The following ARID3A variants were observed in gnomAD, a reference collection of about 807,000 sequenced individuals.
The protein encoded by ARID3A is AT-rich interaction domain 3A.
A neutral mutation model predicts 52.7 loss-of-function variants in ARID3A; 11 were observed. That is an observed-to-expected ratio of 0.21 (90% CI 0.13 to 0.35). ARID3A has a LOEUF of 0.35. Among genes scored for constraint, ARID3A ranks in the 10% least tolerant of loss-of-function variants. ARID3A has a pLI of 1.00. For synonymous variants in ARID3A, 404 were observed against 359.4 expected (o/e 1.12, Z -1.40); for missense variants, 721 against 838.5 (o/e 0.86, Z 1.73).
At chr19:963,987 C>T (rs555755950) in intron 4 of ARID3A, among the ~76,000 whole-genome samples, 4 of 152,324 alleles carry the variant, frequency 2.6e-5, no homozygotes, top group South Asian at 2.1e-4. Flanking sequence ...ACCCTCCTCC[C>T]GAGGGCTGCG....
At chr19:936,196 A>G (rs1219862612) in intron 3 of ARID3A, among the ~76,000 whole-genome samples, 1 of 152,240 alleles carries the variant, frequency 6.6e-6, no homozygotes, top group Admixed American at 6.5e-5. Context: ...TGAATTTGAG[A>G]TGAATCTTAA....
chr19:964,469 C>A lies in ARID3A; in HGVS notation c.950+38C>A. On this transcript the variant is annotated intron_variant, in intron 5 of 8. Coordinates refer to ENST00000263620, the MANE Select transcript of ARID3A (RefSeq NM_005224.3). This position sits in a 1 kb window ranked among gnomAD's most constrained non-coding sequence, Gnocchi z 5.7. Reference sequence around the variant, plus strand: ...CGGTTGTGCCGAGGTCGGGCCAGGGCACTCTGAGCAGCCAGTGCAAGGGGC... The same window carrying A: ...CGGTTGTGCCGAGGTCGGGCCAGGGAACTCTGAGCAGCCAGTGCAAGGGGC... 6.5e-7 allele frequency: 1 copy of A among 1,534,708 alleles called. No individual in the cohort carries two copies. The highest frequency in any genetic ancestry group is 1.2e-5 in the South Asian group (1 of 82,064).
intron 6 of ARID3A, 96 bp from the exon 7 acceptor site, chr19:966,470 AAAAAAG>A (rs1231907389): frequency 1.7e-4 from 188 of 1,095,338 alleles, no homozygotes; most frequent in Non-Finnish European, 2.1e-4. Context: ...AAAAAAAAAA[AAAAAAG>A]AAAAGAAAAG....
Position 966,586 on chromosome 19 carries a change from ATCCCCATCACAG to A in ARID3A, c.1218_1229del (p.Ile407_Pro410del), listed in dbSNP as rs1278541510. 6.4e-7 allele frequency: 1 copy of A among 1,558,464 alleles called. No individual in the cohort carries two copies. Among genetic ancestry groups the A allele is most frequent in the African/African-American group, 1.4e-5 (1 of 73,154 alleles). ...TTCCTACCTAGAGGAGGACTCAGCC[ATCCCCATCACAG>A]TCCCTGGCCGCCTGCCTGTGTCCCT... On this transcript the variant is annotated inframe_deletion, in exon 7 of 9. Transcript: ENST00000263620.
chr19:962,978 G>C (rs1275496526), intron 4 of ARID3A, among the ~76,000 whole-genome samples: 1 of 152,200 alleles, frequency 6.6e-6, no homozygotes, highest in African/African-American at 2.4e-5. Context: ...GATCGGGTCT[G>C]AGGCCCGTCT....
At chr19:950,430 T>C (rs931369389) in intron 3 of ARID3A, among the ~76,000 whole-genome samples, 2 of 152,116 alleles carry the variant, frequency 1.3e-5, no homozygotes, top group Non-Finnish European at 2.9e-5. Flanking sequence ...GCACCCAGCC[T>C]GAGCCCGGGA....
In ARID3A at chr19:967,933, T is replaced by C. The variant is rs542176424; in HGVS notation, c.1496-472T>C. ...GCTGGTGTGTACCCATAGTCCCAGCTACTCAGGAGGCTGAGGCAGGAGAAT... is the reference window on the plus strand; with the variant it reads ...GCTGGTGTGTACCCATAGTCCCAGCCACTCAGGAGGCTGAGGCAGGAGAAT... On this transcript the variant is annotated intron_variant, in intron 7 of 8. Coordinates refer to ENST00000263620, the MANE Select transcript of ARID3A (RefSeq NM_005224.3). Among the ~76,000 whole-genome samples, 34 of 150,782 alleles carry C rather than the reference T, an allele frequency of 2.3e-4. No homozygotes were observed. The South Asian group carries it at 6.7e-3, about 30-fold the overall frequency.
intron 2 of ARID3A, among the ~76,000 whole-genome samples, chr19:930,910 A>T (rs891041943): frequency 6.6e-6 from 1 of 152,216 alleles, no homozygotes; most frequent in East Asian, 1.9e-4. Flanking sequence ...CTGGACCTGC[A>T]TAGCGTGTGG....
At chr19:936,829 A>G (rs1203150486) in intron 3 of ARID3A, among the ~76,000 whole-genome samples, 1 of 151,944 alleles carries the variant, frequency 6.6e-6, no homozygotes, top group East Asian at 1.9e-4. Context: ...TGGCAGAGAG[A>G]GATTCTGTCT....
intron 3 of ARID3A, among the ~76,000 whole-genome samples, chr19:957,163 C>T (rs2037939187): frequency 6.6e-6 from 1 of 152,142 alleles, no homozygotes; most frequent in Admixed American, 6.5e-5. Flanking sequence ...CAGACGGAGC[C>T]TCTTTCCCCT....
intron 3 of ARID3A, among the ~76,000 whole-genome samples, chr19:936,607 C>A (rs1198356724): frequency 6.6e-6 from 1 of 152,046 alleles, no homozygotes; most frequent in Non-Finnish European, 1.5e-5. Flanking sequence ...CTTTGGGAGG[C>A]CGGGGCAGGC....
intron 1 of ARID3A, among the ~76,000 whole-genome samples, chr19:927,429 G>A (rs973051875): frequency 6.6e-6 from 1 of 151,300 alleles, no homozygotes; most frequent in African/African-American, 2.4e-5. Flanking sequence ...CCCCTCCACC[G>A]GCCCCAACGT....
At chr19:937,658 G>T (rs1425576786) in intron 3 of ARID3A, among the ~76,000 whole-genome samples, 1 of 151,040 alleles carries the variant, frequency 6.6e-6, no homozygotes, top group Non-Finnish European at 1.5e-5. Context: ...CACAGATGTG[G>T]GTTCCAGTTC....
In ARID3A at chr19:974,384, C is replaced by T. The variant is rs184219921; in HGVS notation, c.*2319C>T. 8.7e-6 allele frequency: 2 copies of T among 229,970 alleles called. No individual in the cohort carries two copies. Among genetic ancestry groups the T allele is most frequent in the African/African-American group, 2.2e-5 (1 of 45,214 alleles). The allele number at this position is 229,970 out of a possible 1,614,324, so 14.2% of individuals were successfully genotyped here. A position where few individuals can be genotyped will look rare whatever the true frequency, so the allele number is the denominator to read the frequency against. ...CCCCGGGAAGGGGGTGTCTGTTTGCCTCCAGACACAATCGGGCCCCACTCG... is the reference window on the plus strand; with the variant it reads ...CCCCGGGAAGGGGGTGTCTGTTTGCTTCCAGACACAATCGGGCCCCACTCG... On this transcript the variant is annotated 3_prime_UTR_variant, in exon 9 of 9. Transcript: ENST00000263620.
intron 3 of ARID3A, among the ~76,000 whole-genome samples, chr19:955,652 A>T (rs1335678200): frequency 6.6e-6 from 1 of 152,070 alleles, no homozygotes; most frequent in African/African-American, 2.4e-5. Flanking sequence ...TATTTGAGAG[A>T]TGGGGAAACT....
At chr19:939,144 G>C (rs2145377022) in intron 3 of ARID3A, among the ~76,000 whole-genome samples, 1 of 149,726 alleles carries the variant, frequency 6.7e-6, no homozygotes, top group Middle Eastern at 3.4e-3. Flanking sequence ...ATTTTAGACG[G>C]AGTCTTGCTC....
Position 932,637 on chromosome 19 carries a change from G to A in ARID3A, c.588G>A (p.Glu196=). 6.5e-7 allele frequency: 1 copy of A among 1,536,784 alleles called. No individual in the cohort carries two copies. Among genetic ancestry groups the A allele is most frequent in the Non-Finnish European group, 8.8e-7 (1 of 1,142,838 alleles). Reference sequence around the variant, plus strand: ...TTCCCAGGGTGCTGGGGGGCCAGGAGCGGCCGGGGCCTGGCCCTGCCCACC... The same window carrying A: ...TTCCCAGGGTGCTGGGGGGCCAGGAACGGCCGGGGCCTGGCCCTGCCCACC... ...DGVPRVLGGQ[E]RPGPGPAHPG... is the part of the protein sequence containing the mutation. Residue 196 remains glutamate (E), a synonymous_variant, in exon 3 of 9, where the codon GAG becomes GAA. Transcript: ENST00000263620.
Position 938,461 on chromosome 19 carries a change from T to A in ARID3A, c.693+5719T>A, listed in dbSNP as rs1480457597. ...GGGTGATCACATGACTTGTGCACAG[T>A]CGCCCGGGGGACGTGTCAGAGCTGG... On this transcript the variant is annotated intron_variant, in intron 3 of 8. Transcript: ENST00000263620. The surrounding 1 kb of genome is among the most constrained non-coding windows in gnomAD (Gnocchi z 4.0). Among the ~76,000 whole-genome samples the A allele has an allele frequency of 6.6e-6, 1 of 152,148 alleles. No individual in the cohort carries two copies. Among genetic ancestry groups the A allele is most frequent in the Admixed American group, 6.5e-5 (1 of 15,272 alleles).
intron 1 of ARID3A, among the ~76,000 whole-genome samples, chr19:927,785 C>T (rs1444862741): frequency 1.3e-5 from 2 of 152,092 alleles, no homozygotes; most frequent in African/African-American, 2.4e-5. Flanking sequence ...CACAACCCAG[C>T]GCTATGGCCC....
Sources: allele counts gnomAD v4.1 joint callset (sites outside exome capture counted in the v4.1 genomes callset), GRCh38; gene constraint gnomAD v4.1.1; non-coding constraint Gnocchi (gnomAD v3.1); transcripts MANE v1.5; gene names NCBI Gene and HGNC (gene_info 2026-07-23, HGNC 2026-07-21).